NOC3L: variants seen among roughly 807,000 people sequenced by gnomAD.
The protein encoded by NOC3L is NOC3 like DNA replication regulator, also known as nucleolar complex protein 3 homolog.
A neutral mutation model predicts 102.5 loss-of-function variants in NOC3L; 85 were observed. The observed-to-expected ratio is 0.83, with a 90% CI of 0.70 to 0.99. NOC3L has a LOEUF of 0.99. Ranked by LOEUF, NOC3L falls within the 50% of genes least tolerant of loss-of-function variation. NOC3L has a pLI of 0.00. For synonymous variants in NOC3L, 303 were observed against 309.4 expected (o/e 0.98, Z 0.22); for missense variants, 878 against 914.9 (o/e 0.96, Z 0.52).
At chr10:94,322,816 C>T in the NOC3L span, among the ~76,000 whole-genome samples, 1 of 151,632 alleles carries the variant, frequency 6.6e-6, no homozygotes, top group Non-Finnish European at 1.5e-5. Flanking sequence ...ATTAGCCAGG[C>T]ATGGTAGCAT....
intron 16 of NOC3L, 77 bp downstream of exon 16, chr10:94,340,194 CTCATT>C: frequency 8.5e-7 from 1 of 1,178,362 alleles, no homozygotes; most frequent in East Asian, 2.5e-5. Flanking sequence ...GTTCCTATTT[CTCATT>C]TGTCTACAAT....
At position 94,341,665 on chromosome 10, in the gene NOC3L, T is replaced by C. The variant is rs1413902921; in HGVS notation, c.1644+8A>G. ...ATATCTTTTAAAAAATAATTTATTATTACTTACACCAGACTCAATGAGAGT... is the reference window on the plus strand; with the variant it reads ...ATATCTTTTAAAAAATAATTTATTACTACTTACACCAGACTCAATGAGAGT... On this transcript the variant is annotated splice_region_variant and intron_variant, in intron 14 of 20. Transcript: ENST00000371361. 3 of 1,384,100 alleles carry C rather than the reference T, an allele frequency of 2.2e-6. No individual in the cohort carries two copies. The highest frequency in any genetic ancestry group is 2.9e-6 in the Non-Finnish European group (3 of 1,025,734). The allele number at this position is 1,384,100 out of a possible 1,614,324, so 85.7% of individuals were successfully genotyped here.
chr10:94,351,819 C>T (rs1271815217), intron 8 of NOC3L, among the ~76,000 whole-genome samples: 5 of 152,006 alleles, frequency 3.3e-5, no homozygotes, highest in African/African-American at 1.2e-4. Context: ...TGACCCACCA[C>T]GCCTGGCCTC....
chr10:94,362,737 G>A (rs376234663), intron 1 of NOC3L, 93 bp downstream of exon 1: 45 of 1,393,466 alleles, frequency 3.2e-5, no homozygotes, highest in Admixed American at 1.5e-4. Flanking sequence ...CCCTAGACAC[G>A]GGTGAAAACC....
chr10:94,342,977 C>G (rs905199536), intron 13 of NOC3L, among the ~76,000 whole-genome samples: 32 of 151,406 alleles, frequency 2.1e-4, no homozygotes, highest in African/African-American at 7.8e-4. Flanking sequence ...CTCAGCTACT[C>G]GAGAGGCTGA....
the NOC3L span, chr10:94,324,969 C>G: frequency 1.1e-5 from 17 of 1,614,124 alleles, no homozygotes; most frequent in Non-Finnish European, 1.4e-5. Flanking sequence ...CTAAACAGCC[C>G]CGAGGACTTA....
intron 9 of NOC3L, among the ~76,000 whole-genome samples, 157 bp from the exon 10 acceptor site, chr10:94,349,535 G>A (rs549057202): frequency 6.6e-5 from 10 of 152,090 alleles, no homozygotes; most frequent in African/African-American, 9.6e-5. Context: ...AGACTCTATC[G>A]CCACCACAGT....
At chr10:94,321,750 A>G in the NOC3L span, 1 of 644,838 alleles carries the variant, frequency 1.6e-6, no homozygotes, top group East Asian at 2.7e-5. Context: ...ATCCTTTTAG[A>G]ACAGTTTATG....
chr10:94,320,434 C>T, the NOC3L span, among the ~76,000 whole-genome samples: 3 of 152,168 alleles, frequency 2.0e-5, no homozygotes, highest in African/African-American at 7.2e-5. Context: ...CTTCAGAAGC[C>T]AGTCCTTTCT....
Position 94,340,425 on chromosome 10 carries a change from T to G in NOC3L, c.1708+8A>C, listed in dbSNP as rs760295010. On this transcript the variant is annotated splice_region_variant and intron_variant, in intron 15 of 20. Transcript: ENST00000371361. ...GGCAAACAAAACTTGATTAAGAAAATATCATACCTTGTCCAGAAAGAATAT... is the reference window on the plus strand; with the variant it reads ...GGCAAACAAAACTTGATTAAGAAAAGATCATACCTTGTCCAGAAAGAATAT... The G allele has an allele frequency of 2.8e-6, 4 of 1,450,360 alleles. No homozygotes were observed. Among genetic ancestry groups the G allele is most frequent in the Middle Eastern group, 2.2e-4 (1 of 4,618 alleles). The allele number at this position is 1,450,360 out of a possible 1,614,324, so 89.8% of individuals were successfully genotyped here. A position where few individuals can be genotyped will look rare whatever the true frequency, so the allele number is the denominator to read the frequency against.
At chr10:94,339,580 T>C (rs1254077375) in intron 17 of NOC3L, among the ~76,000 whole-genome samples, 159 bp downstream of exon 17, 1 of 152,212 alleles carries the variant, frequency 6.6e-6, no homozygotes, top group Non-Finnish European at 1.5e-5. Context: ...AAAATGCTTT[T>C]TTTCAATTTT....
rs145628495 is a variant in NOC3L, at chr10:94,339,373, T to G, written c.1962+366A>C. Among the ~76,000 whole-genome samples, 42 of 152,328 alleles carry G rather than the reference T, an allele frequency of 2.8e-4. No individual in the cohort carries two copies. In the East Asian group the frequency reaches 7.9e-3, roughly 29 times the overall value. On this transcript the variant is annotated intron_variant, in intron 17 of 20. Coordinates refer to ENST00000371361, the MANE Select transcript of NOC3L (RefSeq NM_022451.11). ...CATAAAGAGAGTAGTGACATTATAA[T>G]GTGTTTACCATGATTAAATGCTAAG...
At chr10:94,320,569 A>G in the NOC3L span, among the ~76,000 whole-genome samples, 4 of 152,328 alleles carry the variant, frequency 2.6e-5, no homozygotes, top group African/African-American at 9.6e-5. Context: ...CTGGTTAGTT[A>G]GTTAGCACCC....
intron 4 of NOC3L, among the ~76,000 whole-genome samples, chr10:94,356,890 G>C (rs1564917927): frequency 6.6e-6 from 1 of 151,996 alleles, no homozygotes; most frequent in Non-Finnish European, 1.5e-5. Flanking sequence ...CATTAAAAAA[G>C]AAAGCTAATC....
rs764325401 is a variant in NOC3L at position 94,334,704 on chromosome 10, A to T, written c.2204T>A (p.Leu735His). Residue 735 changes from leucine to histidine, a missense_variant, in exon 20 of 21, where the codon CTT (leucine) becomes CAT (histidine). Leu to His is a moderately conservative substitution (Grantham distance 99, BLOSUM62 -3). Coordinates refer to ENST00000371361, the MANE Select transcript of NOC3L (RefSeq NM_022451.11). ...TTCTGCCATGCTATATGCCTCAAAAAGTTCAGTAGCAGATCTAAATCACAA... is the reference window on the plus strand; with the variant it reads ...TTCTGCCATGCTATATGCCTCAAAATGTTCAGTAGCAGATCTAAATCACAA... ...PELSRRSATE[L>H]FEAYSMAEMT... 3.7e-6 allele frequency: 6 copies of T among 1,612,280 alleles called. No homozygotes were observed. The South Asian group carries it at 6.6e-5, about 18-fold the overall frequency.
intron 11 of NOC3L, among the ~76,000 whole-genome samples, chr10:94,345,878 A>G (rs2054336887): frequency 6.6e-6 from 1 of 152,180 alleles, no homozygotes; most frequent in Admixed American, 6.5e-5. Context: ...ACTAAGGTTT[A>G]TAAAGCCTGC....
chr10:94,336,811 G>A (rs979546610), intron 19 of NOC3L, among the ~76,000 whole-genome samples: 1 of 150,776 alleles, frequency 6.6e-6, no homozygotes, highest in Non-Finnish European at 1.5e-5. Flanking sequence ...GCTCACGCCT[G>A]TAATCCCAAC....
At chr10:94,353,130 C>T in intron 6 of NOC3L, 73 bp from the exon 7 acceptor site, 1 of 1,268,246 alleles carries the variant, frequency 7.9e-7, no homozygotes, top group Non-Finnish European at 1.1e-6. Context: ...AACAGCCCCA[C>T]ATCCGGCAAA....
At chr10:94,344,253 A>G (rs749884562) in intron 13 of NOC3L, among the ~76,000 whole-genome samples, 162 bp downstream of exon 13, 1 of 152,212 alleles carries the variant, frequency 6.6e-6, no homozygotes, top group Non-Finnish European at 1.5e-5. Context: ...TGAGAAAATC[A>G]AAAAAGCCCA....
Sources: gnomAD v4.1 joint callset for allele counts (sites outside exome capture counted in the v4.1 genomes callset) on GRCh38, gnomAD v4.1.1 for gene constraint, MANE v1.5 for transcripts, NCBI Gene and HGNC (gene_info 2026-07-23, HGNC 2026-07-21) for gene names.